Variants in NRXN3 observed in about 807,000 individuals in gnomAD.
The protein encoded by NRXN3 is neurexin 3.
In NRXN3, 32 loss-of-function variants were observed where a neutral mutation model predicts 137.6. That is an observed-to-expected ratio of 0.23 (90% confidence interval 0.18 to 0.31). The LOEUF (loss-of-function observed/expected upper bound fraction) is 0.31, where lower values mean the gene tolerates loss of function less well. Ranked by LOEUF, NRXN3 falls within the 10% of genes least tolerant of loss-of-function variation. The probability of loss-of-function intolerance (pLI) is 1.00; values close to 1 mark genes in which losing one functional copy is unlikely to be tolerated. For missense variants in NRXN3, 1,574 were observed against 2,062.5 expected, an observed-to-expected ratio of 0.76 and a Z score of 4.59; for synonymous variants, 798 against 784.5, an observed-to-expected ratio of 1.02 and a Z score of -0.29.
chr14:79,261,644 A>T (rs1431485442), intron 15 of NRXN3, among the ~76,000 whole-genome samples: 13 of 10,284 alleles, frequency 1.3e-3, no homozygotes, highest in East Asian at 0.01. Context: ...TGTGTGTGTG[A>T]TGGGGTGGGG....
intron 1 of NRXN3, among the ~76,000 whole-genome samples, chr14:78,197,697 C>T (rs147534622): frequency 1.3e-5 from 2 of 152,274 alleles, no homozygotes; most frequent in East Asian, 3.9e-4. Flanking sequence ...GCTGGGTTGA[C>T]CCTGACATGC....
chr14:78,943,770 G>A (rs1017523048), intron 10 of NRXN3, among the ~76,000 whole-genome samples: 1 of 148,554 alleles, frequency 6.7e-6, no homozygotes, highest in Admixed American at 6.8e-5. Context: ...AATAACAGAA[G>A]CAAAACTGTG....
intron 4 of NRXN3, among the ~76,000 whole-genome samples, chr14:78,471,385 G>A (rs902198866): frequency 6.6e-6 from 1 of 151,608 alleles, no homozygotes; most frequent in Non-Finnish European, 1.5e-5. Flanking sequence ...TCAAAGTCAT[G>A]CAGCAATGAC....
chr14:78,946,164 A>C (rs192947947), intron 10 of NRXN3, among the ~76,000 whole-genome samples: 21 of 152,324 alleles, frequency 1.4e-4, no homozygotes, highest in Admixed American at 1.2e-3. Context: ...TCTTATGACT[A>C]TTGTCTGGTG....
chr14:78,950,039 A>G (rs910088994), intron 10 of NRXN3, among the ~76,000 whole-genome samples: 1 of 152,194 alleles, frequency 6.6e-6, no homozygotes, highest in African/African-American at 2.4e-5. Context: ...ACACGATCAG[A>G]CTCAAAAGCA....
intron 15 of NRXN3, among the ~76,000 whole-genome samples, chr14:79,291,043 T>C (rs1263892221): frequency 2.0e-5 from 3 of 152,218 alleles, no homozygotes; most frequent in African/African-American, 7.2e-5. Flanking sequence ...GAGAGGATCC[T>C]GTGATTTGGA....
intron 15 of NRXN3, among the ~76,000 whole-genome samples, chr14:79,089,181 G>A (rs1269330882): frequency 1.3e-5 from 2 of 152,148 alleles, no homozygotes; most frequent in Middle Eastern, 3.2e-3. Context: ...ATGCAGGTAA[G>A]AGACATGTAC....
intron 4 of NRXN3, among the ~76,000 whole-genome samples, chr14:78,356,315 T>C (rs756045125): frequency 2.0e-5 from 3 of 151,956 alleles, no homozygotes; most frequent in Non-Finnish European, 4.4e-5. Flanking sequence ...CTTGCCCTTA[T>C]TCTCCTGATG....
intron 10 of NRXN3, among the ~76,000 whole-genome samples, chr14:78,837,329 G>T (rs1275293433): frequency 6.6e-6 from 1 of 152,098 alleles, no homozygotes; most frequent in Non-Finnish European, 1.5e-5. Flanking sequence ...GGCCCTCTTT[G>T]TTGGCTTTAA....
intron 10 of NRXN3, among the ~76,000 whole-genome samples, chr14:78,941,620 C>T (rs2099353127): frequency 6.6e-6 from 1 of 152,154 alleles, no homozygotes; most frequent in South Asian, 2.1e-4. Context: ...TATATAAACC[C>T]AGATAAGCTT....
intron 15 of NRXN3, among the ~76,000 whole-genome samples, chr14:79,386,438 A>G (rs1348484917): frequency 2.0e-5 from 3 of 152,108 alleles, no homozygotes; most frequent in East Asian, 3.9e-4. Context: ...ACCACTGCTC[A>G]ATGAAATAAA....
At position 79,747,097 on chromosome 14, in the gene NRXN3, C is replaced by T. The variant is rs559327414; in HGVS notation, c.4014+49160C>T. Among the ~76,000 whole-genome samples the T allele has an allele frequency of 2.0e-5, 3 of 152,098 alleles. No individual in the cohort carries two copies. In the South Asian group the frequency reaches 6.2e-4, roughly 32 times the overall value. On this transcript the variant is annotated intron_variant, in intron 19 of 20. Transcript: ENST00000335750. ...AGGGAAGAAATGAGACTTCAGAGCT[C>T]CCTACAAGTTGAAATGGAGTCAGAA...
intron 2 of NRXN3, among the ~76,000 whole-genome samples, chr14:78,262,954 A>G (rs957688365): frequency 2.6e-5 from 4 of 152,228 alleles, no homozygotes; most frequent in Non-Finnish European, 5.9e-5. Context: ...CCCTCCACCC[A>G]GTAGTACAAA....
chr14:78,825,163 C>G (rs2098962685), intron 10 of NRXN3, among the ~76,000 whole-genome samples: 1 of 133,840 alleles, frequency 7.5e-6, no homozygotes, highest in Non-Finnish European at 1.5e-5. Flanking sequence ...CAACACTGCA[C>G]TCCAGCCTGC....
chr14:79,532,473 A>G (rs1187232777), intron 16 of NRXN3, among the ~76,000 whole-genome samples: 1 of 152,232 alleles, frequency 6.6e-6, no homozygotes, highest in African/African-American at 2.4e-5. Flanking sequence ...AGTAAAAGTC[A>G]GCATGAGACA....
At chr14:78,450,202 C>T (rs1480475627) in intron 4 of NRXN3, among the ~76,000 whole-genome samples, 1 of 152,226 alleles carries the variant, frequency 6.6e-6, no homozygotes, top group African/African-American at 2.4e-5. Flanking sequence ...GTTACCCAGT[C>T]ATTTGTACTG....
intron 15 of NRXN3, among the ~76,000 whole-genome samples, chr14:79,219,228 T>A (rs931501264): frequency 2.0e-5 from 3 of 152,120 alleles, no homozygotes; most frequent in African/African-American, 7.2e-5. Flanking sequence ...ACTCAAACAA[T>A]CCTCCTGCCT....
At chr14:79,603,271 C>T (rs150398749) in intron 16 of NRXN3, among the ~76,000 whole-genome samples, 220 of 152,338 alleles carry the variant, frequency 1.4e-3, no homozygotes, top group African/African-American at 5.2e-3. Flanking sequence ...AAAGCAAGTA[C>T]GTGCCCACAC....
intron 15 of NRXN3, among the ~76,000 whole-genome samples, chr14:79,036,182 G>T (rs75411543): frequency 1.3e-5 from 2 of 152,094 alleles, no homozygotes; most frequent in Admixed American, 6.6e-5. Flanking sequence ...TCAGTTGGTT[G>T]TTTATATGGT....
Sources: allele counts gnomAD v4.1 joint callset (sites outside exome capture counted in the v4.1 genomes callset), GRCh38; gene constraint gnomAD v4.1.1; transcripts MANE v1.5; gene names NCBI Gene and HGNC (gene_info 2026-07-23, HGNC 2026-07-21).